The following C1orf87 variants were observed in gnomAD, a reference collection of about 807,000 sequenced individuals.
The protein encoded by C1orf87 is uncharacterized protein C1orf87.
In C1orf87, 58 loss-of-function variants were observed where a neutral mutation model predicts 60.5. The observed-to-expected ratio is 0.96, with a 90% CI of 0.78 to 1.19. The LOEUF (loss-of-function observed/expected upper bound fraction) is 1.19. C1orf87 is among the 50% of genes most tolerant of loss of function. The probability of loss-of-function intolerance (pLI) is 0.00; values close to 1 mark genes in which losing one functional copy is unlikely to be tolerated. For missense variants in C1orf87, 673 were observed against 638.6 expected (o/e 1.05, Z -0.58); for synonymous variants, 236 against 227.4 (o/e 1.04, Z -0.34).
At chr1:60,020,129 C>T (rs1349390315) in intron 8 of C1orf87, among the ~76,000 whole-genome samples, 2 of 152,152 alleles carry the variant, frequency 1.3e-5, no homozygotes, top group Non-Finnish European at 2.9e-5. Flanking sequence ...CTCCTCCCAT[C>T]ACAGGCCTGG....
At chr1:60,064,640 G>A (rs3064425) in intron 2 of C1orf87, among the ~76,000 whole-genome samples, 23 of 102,930 alleles carry the variant, frequency 2.2e-4, no homozygotes, top group Admixed American at 6.2e-4. Context: ...AAATATATAT[G>A]ATATATTTTA....
intron 2 of C1orf87, among the ~76,000 whole-genome samples, chr1:60,056,803 T>C (rs1223135760): frequency 6.6e-6 from 1 of 152,236 alleles, no homozygotes; most frequent in Non-Finnish European, 1.5e-5. Flanking sequence ...AAAGTAGCTA[T>C]GCCTTGTACC....
intron 3 of C1orf87, among the ~76,000 whole-genome samples, chr1:60,049,171 A>G (rs934825939): frequency 1.3e-5 from 2 of 152,064 alleles, no homozygotes; most frequent in African/African-American, 4.8e-5. Flanking sequence ...TTTCTTCCAA[A>G]GCAGTTTTTC....
chr1:60,008,628 A>T, intron 9 of C1orf87: 1 of 446,124 alleles, frequency 2.2e-6, no homozygotes, highest in Non-Finnish European at 4.5e-6. Flanking sequence ...AAGCCATGTG[A>T]GGACACATCA....
chr1:60,022,099 G>A (rs1046873614), intron 8 of C1orf87, among the ~76,000 whole-genome samples: 16 of 137,438 alleles, frequency 1.2e-4, no homozygotes, highest in Non-Finnish European at 2.2e-4. Context: ...AACTCTTATA[G>A]AGGACTTTGA....
At chr1:60,024,187 A>C (rs1168246330) in intron 8 of C1orf87, among the ~76,000 whole-genome samples, 1 of 152,064 alleles carries the variant, frequency 6.6e-6, no homozygotes, top group Admixed American at 6.6e-5. Context: ...ATACATTTTA[A>C]AATTGTGATT....
chr1:59,995,576 C>T (rs529891781), intron 11 of C1orf87, among the ~76,000 whole-genome samples: 6 of 152,320 alleles, frequency 3.9e-5, no homozygotes, highest in African/African-American at 7.2e-5. Context: ...ACTTCAAACT[C>T]GGGATGACCT....
chr1:60,064,975 ATATT>A (rs1287842141), intron 2 of C1orf87, among the ~76,000 whole-genome samples: 9 of 90,092 alleles, frequency 1.0e-4, no homozygotes, highest in East Asian at 6.7e-4. Flanking sequence ...AAATAAATAA[ATATT>A]TATTATAAAA....
At position 60,037,078 on chromosome 1, in the gene C1orf87, G is replaced by A. The variant is rs140986235; in HGVS notation, c.863+914C>T. Among the ~76,000 whole-genome samples the A allele has an allele frequency of 9.8e-4, 149 of 152,204 alleles. 1 individual carries two copies. In the East Asian group the frequency reaches 0.024, roughly 25 times the overall value. ...CAAATAACTTTCTATGTTGGCCTGC[G>A]CACAAAAAAGAGAGAGAGAGAAAAC... On this transcript the variant is annotated intron_variant, in intron 6 of 11. Coordinates refer to ENST00000371201, the MANE Select transcript of C1orf87 (RefSeq NM_152377.3).
intron 9 of C1orf87, among the ~76,000 whole-genome samples, chr1:60,005,092 G>T (rs1485946165): frequency 6.6e-6 from 1 of 151,954 alleles, no homozygotes; most frequent in Admixed American, 6.6e-5. Context: ...GGCTTCAGTG[G>T]GCCTACTGAA....
rs549761498 is a variant in C1orf87 at position 60,055,005 on chromosome 1, G to A, written c.342+199C>T. ...TTCTTTGGTGATCATGACCAACTCC[G>A]TTGGTGGTCAGCAAAGATACAATAT... On this transcript the variant is annotated intron_variant, in intron 3 of 11. Coordinates refer to ENST00000371201, the MANE Select transcript of C1orf87 (RefSeq NM_152377.3). Among the ~76,000 whole-genome samples, 20 of 152,158 alleles carry A rather than the reference G, an allele frequency of 1.3e-4. No individual in the cohort carries two copies. The South Asian group carries it at 1.9e-3, about 14-fold the overall frequency.
intron 8 of C1orf87, among the ~76,000 whole-genome samples, chr1:60,010,674 T>C (rs1204288202): frequency 2.6e-5 from 4 of 151,968 alleles, no homozygotes; most frequent in Non-Finnish European, 5.9e-5. Flanking sequence ...CAGAAAGTTC[T>C]AAGTCTAGGG....
intron 8 of C1orf87, among the ~76,000 whole-genome samples, chr1:60,013,680 C>CT (rs1174843807): frequency 0.028 from 3,850 of 137,222 alleles, 143 homozygotes; most frequent in African/African-American, 0.09. Context: ...TGTATATTTG[C>CT]TTTTTTTTTT....
At chr1:60,005,023 C>T (rs1050213879) in intron 9 of C1orf87, among the ~76,000 whole-genome samples, 6 of 151,922 alleles carry the variant, frequency 3.9e-5, no homozygotes, top group Non-Finnish European at 7.4e-5. Flanking sequence ...TAAAAAATTC[C>T]CTAGGTGATT....
chr1:60,035,501 G>C (rs975571906), intron 6 of C1orf87, among the ~76,000 whole-genome samples: 6 of 152,200 alleles, frequency 3.9e-5, no homozygotes. Context: ...TACCCTATTA[G>C]AGGATCTACC....
chr1:60,010,268 A>G, intron 9 of C1orf87, 124 bp downstream of exon 9: 1 of 877,418 alleles, frequency 1.1e-6, no homozygotes, highest in South Asian at 1.6e-5. Context: ...CTGGGGAGCT[A>G]TTTACATTTC....
intron 5 of C1orf87, among the ~76,000 whole-genome samples, chr1:60,038,967 A>T (rs2100294566): frequency 6.6e-6 from 1 of 152,300 alleles, no homozygotes; most frequent in Non-Finnish European, 1.5e-5. Flanking sequence ...GGTTGAACTG[A>T]ATATTCATAT....
intron 9 of C1orf87, among the ~76,000 whole-genome samples, chr1:60,003,906 T>C (rs902452310): frequency 1.3e-5 from 2 of 152,070 alleles, no homozygotes; most frequent in Admixed American, 6.6e-5. Context: ...AGATGCTATA[T>C]AGAGCAAACC....
rs770427497 is a variant in C1orf87, at chr1:59,997,722, G to A, written c.1367C>T (p.Ser456Phe). 5 of 1,613,866 alleles carry A rather than the reference G, an allele frequency of 3.1e-6. No individual in the cohort carries two copies. The South Asian group carries it at 5.5e-5, about 18-fold the overall frequency. The change falls in exon 11 of 12, where the codon TCC becomes TTC. Residue 456 changes from serine (S) to phenylalanine (F), a missense_variant. By Grantham distance (155) the Ser-to-Phe change is radical. Coordinates refer to ENST00000371201, the MANE Select transcript of C1orf87 (RefSeq NM_152377.3). ...PLKPLKIRPVSQPFVNPAVKN... is the reference protein window; with the variant it reads ...PLKPLKIRPVFQPFVNPAVKN... ...CACAGCTGGATTCACGAAGGGCTGG[G>A]AGACTGGCCTGATCTTTAAAGGTTT...
Sources: gnomAD v4.1 joint callset for allele counts (sites outside exome capture counted in the v4.1 genomes callset) on GRCh38, gnomAD v4.1.1 for gene constraint, MANE v1.5 for transcripts, NCBI Gene and HGNC (gene_info 2026-07-23, HGNC 2026-07-21) for gene names.